Variants in FLNB observed in about 807,000 individuals in gnomAD.
FLNB encodes filamin-B.
FLNB carries 111 observed loss-of-function variants against 250.6 expected under a neutral mutation model. The observed-to-expected ratio is 0.44, with a 90% CI of 0.38 to 0.52. FLNB has a LOEUF of 0.52. Among genes scored for constraint, FLNB ranks in the 20% least tolerant of loss-of-function variants. The pLI is 0.00. For synonymous variants in FLNB, 1,302 were observed against 1,372.1 expected (o/e 0.95, Z 1.13); for missense variants, 2,869 against 3,447.8 (o/e 0.83, Z 4.20).
chr3:58,124,190 T>A, intron 21 of FLNB, 142 bp from the exon 22 acceptor site: 1 of 845,982 alleles, frequency 1.2e-6, no homozygotes, highest in Non-Finnish European at 2.0e-6. Context: ...TTAATATTCT[T>A]GATTTGAGAG....
Position 58,146,870 on chromosome 3 carries a change from A to C in FLNB, c.5605A>C (p.Ile1869Leu). 1 of 1,614,210 alleles carries C rather than the reference A, an allele frequency of 6.2e-7. No homozygotes were observed. The highest frequency in any genetic ancestry group is 8.5e-7 in the Non-Finnish European group (1 of 1,180,038). ...EGPSKAEISC[I>L]DNKDGTCTVT... ...CCCCTCAAAAGCAGAAATCAGCTGCATTGACAATAAAGATGGGACATGCAC... is the reference window on the plus strand; with the variant it reads ...CCCCTCAAAAGCAGAAATCAGCTGCCTTGACAATAAAGATGGGACATGCAC... The change falls in exon 34 of 46, where the codon ATT becomes CTT. Residue 1869 changes from isoleucine to leucine, a missense_variant. Physicochemically the swap from Ile to Leu is conservative, Grantham distance 5. Around this residue, in one of 5 missense-constraint regions of FLNB, gnomAD observed 1,084 missense variants for 1,315.5 expected, o/e 0.82. Transcript: ENST00000295956.
At position 58,022,250 on chromosome 3, in the gene FLNB, CTTGAGTA is replaced by C. The variant is rs201039347; in HGVS notation, c.292+13397_292+13403del. Among the ~76,000 whole-genome samples the C allele has an allele frequency of 2.3e-4, 35 of 152,290 alleles. No homozygotes were observed. In the East Asian group the frequency reaches 6.0e-3, roughly 26 times the overall value. On this transcript the variant is annotated intron_variant, in intron 1 of 45. Coordinates refer to ENST00000295956, the MANE Select transcript of FLNB (RefSeq NM_001457.4). ...AAATAAACAGTCTCTAGTATAATAG[CTTGAGTA>C]TTAAGACTGGTACATTGACTTATTT...
In FLNB at chr3:58,024,115, C is replaced by T. The variant is rs371244394; in HGVS notation, c.292+15259C>T. ...CCATTTCCCAATAGCCCTGAGGACA[C>T]CAGGCCCATGAAGCCATCCTGTCTC... On this transcript the variant is annotated intron_variant, in intron 1 of 45. Transcript: ENST00000295956. 1.2e-4 allele frequency among the ~76,000 whole-genome samples: 19 copies of T among 152,158 alleles called. No individual in the cohort carries two copies. In the East Asian group the frequency reaches 3.3e-3, roughly 26 times the overall value.
At chr3:58,152,818 C>T (rs1308832042) in intron 38 of FLNB, 11 of 1,150,164 alleles carry the variant, frequency 9.6e-6, no homozygotes, top group Non-Finnish European at 1.2e-5. Flanking sequence ...GCCGCCTGGC[C>T]TCACCACGGC....
Position 58,168,545 on chromosome 3 carries a change from C to A in FLNB, c.7304C>A (p.Pro2435His). 6.2e-7 allele frequency: 1 copy of A among 1,614,154 alleles called. No homozygotes were observed. The highest frequency in any genetic ancestry group is 8.5e-7 in the Non-Finnish European group (1 of 1,179,976). The change falls in exon 44 of 46, where the codon CCT becomes CAT. Residue 2435 changes from proline to histidine, a missense_variant. Pro to His is a moderately conservative substitution (Grantham distance 77). Coordinates refer to ENST00000295956, the MANE Select transcript of FLNB (RefSeq NM_001457.4). ...GTTAAAATGGATTGCCAGGAAACAC[C>A]TGAAGGGTACAAAGTCATGTACACC... ...SKVKMDCQET[P>H]EGYKVMYTPM...
At chr3:58,124,628 G>A (rs1575429921) in intron 22 of FLNB, 123 bp downstream of exon 22, 1 of 1,043,876 alleles carries the variant, frequency 9.6e-7, no homozygotes, top group East Asian at 2.6e-5. Context: ...CACGTGCAGA[G>A]TGACAGAGTG....
chr3:58,081,608 TCCA>T lies in FLNB; in HGVS notation c.640-17_640-15del, dbSNP rs761419793. On this transcript the variant is annotated intron_variant, in intron 3 of 45. Transcript: ENST00000295956. Reference sequence around the variant, plus strand: ...CAAAGTGATGTGTTCTGGGTGTTCATCCACCATGTCATTATCCTAGGTCATCAC... The same window carrying T: ...CAAAGTGATGTGTTCTGGGTGTTCATCCATGTCATTATCCTAGGTCATCAC... 1 of 1,613,156 alleles carries T rather than the reference TCCA, an allele frequency of 6.2e-7. No homozygotes were observed. Among genetic ancestry groups the T allele is most frequent in the Non-Finnish European group, 8.5e-7 (1 of 1,179,446 alleles).
intron 2 of FLNB, among the ~76,000 whole-genome samples, chr3:58,077,521 T>A (rs1244291933): frequency 6.6e-6 from 1 of 152,216 alleles, no homozygotes; most frequent in Non-Finnish European, 1.5e-5. Flanking sequence ...AAGTTGAGTC[T>A]TTTATCCAAA....
At chr3:58,085,088 T>C (rs1284462552) in intron 4 of FLNB, among the ~76,000 whole-genome samples, 1 of 152,202 alleles carries the variant, frequency 6.6e-6, no homozygotes, top group African/African-American at 2.4e-5. Flanking sequence ...CTGATAGACA[T>C]TTGGGTTGTT....
At chr3:58,083,063 T>C (rs1247417711) in intron 4 of FLNB, among the ~76,000 whole-genome samples, 1 of 152,170 alleles carries the variant, frequency 6.6e-6, no homozygotes, top group African/African-American at 2.4e-5. Flanking sequence ...TGTAAGAAAA[T>C]TAACAATAGT....
chr3:58,039,273 T>G (rs1372253959), intron 1 of FLNB, among the ~76,000 whole-genome samples: 1 of 151,598 alleles, frequency 6.6e-6, no homozygotes, highest in Non-Finnish European at 1.5e-5. Context: ...TGGGTTTGGT[T>G]TGTTAATTAC....
intron 39 of FLNB, among the ~76,000 whole-genome samples, chr3:58,153,903 T>C (rs779356581): frequency 6.6e-6 from 1 of 152,144 alleles, no homozygotes; most frequent in South Asian, 2.1e-4. Flanking sequence ...GAGTCTCTAA[T>C]TGGGGAGCAG....
chr3:58,098,741 T>C lies in FLNB; in HGVS notation c.1178T>C (p.Val393Ala), dbSNP rs764591872. The C allele has an allele frequency of 1.2e-6, 2 of 1,613,862 alleles. No individual in the cohort carries two copies. The highest frequency in any genetic ancestry group is 2.7e-5 in the African/African-American group (2 of 74,834). ...GGTGTGGGTGACATTGGTGTGGAGGTGGAAGATCCCCAGGGGAAGAACACC... is the reference window on the plus strand; with the variant it reads ...GGTGTGGGTGACATTGGTGTGGAGGCGGAAGATCCCCAGGGGAAGAACACC... Reference protein sequence around the residue: ...GAGVGDIGVEVEDPQGKNTVE... With the variant: ...GAGVGDIGVEAEDPQGKNTVE... The change falls in exon 8 of 46, where the codon GTG becomes GCG. Residue 393 changes from valine (V) to alanine (A), a missense_variant. By Grantham distance (64) the Val-to-Ala change is moderately conservative. Transcript: ENST00000295956.
At chr3:58,076,401 A>C (rs1385652099) in intron 1 of FLNB, among the ~76,000 whole-genome samples, 1 of 152,178 alleles carries the variant, frequency 6.6e-6, no homozygotes, top group Non-Finnish European at 1.5e-5. Flanking sequence ...CCAGTTTAGC[A>C]GGTTGTTACC....
intron 1 of FLNB, among the ~76,000 whole-genome samples, chr3:58,011,127 C>T (rs899117656): frequency 1.2e-4 from 18 of 152,172 alleles, no homozygotes. Flanking sequence ...GTTGGCCAGG[C>T]TGGTCTCGAA....
chr3:58,042,239 C>T (rs574886787), intron 1 of FLNB, among the ~76,000 whole-genome samples: 1 of 151,900 alleles, frequency 6.6e-6, no homozygotes, highest in African/African-American at 2.4e-5. Context: ...TTGGCCTCCT[C>T]TTTGATGCGG....
rs972355784 is a variant in FLNB at position 58,069,392 on chromosome 3, C to T, written c.293-7654C>T. ...GTAGCTGGGATTACAAGGTGCCCAC[C>T]GCCATGCCTGGCTGATTTTTGTATT... is the stretch of plus-strand genomic sequence containing the variant. On this transcript the variant is annotated intron_variant, in intron 1 of 45. Transcript: ENST00000295956. 3.3e-5 allele frequency among the ~76,000 whole-genome samples: 5 copies of T among 151,806 alleles called. No individual in the cohort carries two copies. In the East Asian group the frequency reaches 5.8e-4, roughly 18 times the overall value.
Position 58,102,360 on chromosome 3 carries a change from T to C in FLNB, c.1483+20T>C. The C allele has an allele frequency of 6.2e-7, 1 of 1,613,994 alleles. No individual in the cohort carries two copies. ...GTCCTAGTAAGTGTTCCTTTGTTTC[T>C]CTATCTCAGGTGTGGTTTTGGCTAA... On this transcript the variant is annotated intron_variant, in intron 9 of 45. Coordinates refer to ENST00000295956, the MANE Select transcript of FLNB (RefSeq NM_001457.4).
intron 40 of FLNB, 114 bp from the exon 41 acceptor site, chr3:58,155,846 G>A (rs2097352543): frequency 1.4e-6 from 1 of 725,820 alleles, no homozygotes. Context: ...CCAATCAGCT[G>A]TGGCCATTGA....
Sources: allele counts gnomAD v4.1 joint callset (sites outside exome capture counted in the v4.1 genomes callset), GRCh38; gene constraint gnomAD v4.1.1; regional missense constraint gnomAD v4.1.1; transcripts MANE v1.5; gene names NCBI Gene and HGNC (gene_info 2026-07-23, HGNC 2026-07-21).